ADGRB3: variants seen among roughly 807,000 people sequenced by gnomAD.
ADGRB3 encodes the protein brain-specific angiogenesis inhibitor 3.
A neutral mutation model predicts 193.4 loss-of-function variants in ADGRB3; 37 were observed. The ratio of observed to expected loss-of-function variants is 0.19; its 90% CI spans 0.15 to 0.25. The LOEUF is 0.25. Ranked by LOEUF, ADGRB3 falls within the 10% of genes least tolerant of loss-of-function variation. ADGRB3 has a pLI of 1.00. For synonymous variants in ADGRB3, 690 were observed against 644.2 expected, an observed-to-expected ratio of 1.07 and a Z score of -1.08; for missense variants, 1,637 against 1,852.9, an observed-to-expected ratio of 0.88 and a Z score of 2.14.
chr6:69,133,873 T>C (rs776789165), intron 17 of ADGRB3, among the ~76,000 whole-genome samples: 5 of 152,180 alleles, frequency 3.3e-5, no homozygotes, highest in Non-Finnish European at 4.4e-5. Context: ...AAGTCCACCA[T>C]ATCATTCTTA....
intron 17 of ADGRB3, among the ~76,000 whole-genome samples, chr6:69,181,277 A>G (rs1582524403): frequency 6.6e-6 from 1 of 151,852 alleles, no homozygotes; most frequent in East Asian, 1.9e-4. Context: ...CATGCCTCTA[A>G]TCACTATCTT....
chr6:68,810,554 G>C (rs1010246343), intron 3 of ADGRB3, among the ~76,000 whole-genome samples: 1 of 152,202 alleles, frequency 6.6e-6, no homozygotes, highest in Admixed American at 6.5e-5. Context: ...ATCAGAGGAA[G>C]TCAACGGATC....
intron 17 of ADGRB3, among the ~76,000 whole-genome samples, chr6:69,180,246 T>A (rs1333024598): frequency 6.6e-6 from 1 of 151,922 alleles, no homozygotes; most frequent in East Asian, 1.9e-4. Flanking sequence ...TCCCTGCACA[T>A]GAATGGTGGG....
intron 20 of ADGRB3, among the ~76,000 whole-genome samples, chr6:69,247,044 C>T (rs1766513720): frequency 6.6e-6 from 1 of 152,140 alleles, no homozygotes. Context: ...TAGACTTGGC[C>T]TTCATGATTT....
chr6:69,322,180 A>G (rs1768470090), intron 20 of ADGRB3, among the ~76,000 whole-genome samples: 1 of 151,934 alleles, frequency 6.6e-6, no homozygotes, highest in Non-Finnish European at 1.5e-5. Flanking sequence ...AAAGGATATG[A>G]TCTCATTCTT....
Position 68,974,157 on chromosome 6 carries a change from C to G in ADGRB3, c.1526-606C>G, listed in dbSNP as rs567479448. Among the ~76,000 whole-genome samples the G allele has an allele frequency of 8.4e-4, 127 of 152,022 alleles. 2 individuals are homozygous for G. Among genetic ancestry groups the G allele is most frequent in the Middle Eastern group, 6.9e-3 (2 of 290 alleles). On this transcript the variant is annotated intron_variant, in intron 8 of 31. Transcript: ENST00000370598. ...GGAAGTCACTTTTTTGTATAACATCCTAAAATATTATAAATATTTTTATTG... is the reference window on the plus strand; with the variant it reads ...GGAAGTCACTTTTTTGTATAACATCGTAAAATATTATAAATATTTTTATTG...
At chr6:69,137,077 AATG>A (rs1236888754) in intron 17 of ADGRB3, among the ~76,000 whole-genome samples, 1 of 23,086 alleles carries the variant, frequency 4.3e-5, no homozygotes, top group East Asian at 8.4e-4. Flanking sequence ...TTTTTTTTTT[AATG>A]GTAAGATCTT....
At chr6:69,120,787 T>TAAAACA (rs1773657917) in intron 17 of ADGRB3, among the ~76,000 whole-genome samples, 2 of 152,174 alleles carry the variant, frequency 1.3e-5, no homozygotes, top group Admixed American at 1.3e-4. Flanking sequence ...TATTGAAGTT[T>TAAAACA]TCCTCGAGCT....
intron 17 of ADGRB3, among the ~76,000 whole-genome samples, chr6:69,171,346 A>T (rs2150347965): frequency 6.6e-6 from 1 of 152,302 alleles, no homozygotes; most frequent in East Asian, 1.9e-4. Context: ...CTCTCTTTTC[A>T]CTCAACATGT....
In ADGRB3 at chr6:69,354,591, G is replaced by C. The variant is rs367963473; in HGVS notation, c.3555+263G>C. On this transcript the variant is annotated intron_variant, in intron 27 of 31. Coordinates refer to ENST00000370598, the MANE Select transcript of ADGRB3 (RefSeq NM_001704.3). ...GTATGTTCCTCCTTGCGTAGAATTA[G>C]GGCTAATGATTTATGCATAGGATCA... is the stretch of plus-strand genomic sequence containing the variant. Among the ~76,000 whole-genome samples, 4 of 152,110 alleles carry C rather than the reference G, an allele frequency of 2.6e-5. No homozygotes were observed. The East Asian group carries it at 7.7e-4, about 29-fold the overall frequency.
At chr6:69,031,100 T>A (rs868857357) in intron 13 of ADGRB3, among the ~76,000 whole-genome samples, 3 of 83,398 alleles carry the variant, frequency 3.6e-5, no homozygotes, top group African/African-American at 1.3e-4. Flanking sequence ...TCTTCTCTTC[T>A]CTTCTCTTCT....
In ADGRB3 at chr6:69,233,352, A is replaced by G. The variant is rs370387606; in HGVS notation, c.2543A>G (p.His848Arg). 39 of 1,613,990 alleles carry G rather than the reference A, an allele frequency of 2.4e-5. No homozygotes were observed. The highest frequency in any genetic ancestry group is 3.2e-5 in the Non-Finnish European group (38 of 1,179,996). Residue 848 changes from histidine (H) to arginine (R), a missense_variant, in exon 18 of 32, where the codon CAT (histidine) becomes CGT (arginine). This residue lies in a region of ADGRB3 where 641 missense variants were observed against 673.9 expected (regional missense o/e 0.95). Coordinates refer to ENST00000370598, the MANE Select transcript of ADGRB3 (RefSeq NM_001704.3). Reference sequence around the variant, plus strand: ...AAAACTGTGCTTACCGATGCATCCCATACGAAATGCTTATGTGATCGTCTC... The same window carrying G: ...AAAACTGTGCTTACCGATGCATCCCGTACGAAATGCTTATGTGATCGTCTC... ...GCKTVLTDASHTKCLCDRLST... is the reference protein window; with the variant it reads ...GCKTVLTDASRTKCLCDRLST...
chr6:69,030,731 C>T (rs1039131030), intron 13 of ADGRB3, among the ~76,000 whole-genome samples: 2 of 152,110 alleles, frequency 1.3e-5, no homozygotes, highest in Non-Finnish European at 2.9e-5. Flanking sequence ...CAAACCTGCA[C>T]GTCCTGCACA....
chr6:69,343,517 A>G (rs1769024049), intron 26 of ADGRB3, among the ~76,000 whole-genome samples: 1 of 152,094 alleles, frequency 6.6e-6, no homozygotes, highest in Non-Finnish European at 1.5e-5. Flanking sequence ...AAAGGGAGAA[A>G]TGATTTACTC....
intron 3 of ADGRB3, among the ~76,000 whole-genome samples, chr6:68,810,461 G>T (rs535703574): frequency 6.6e-6 from 1 of 152,256 alleles, no homozygotes; most frequent in African/African-American, 2.4e-5. Context: ...TTGAGGCTGA[G>T]CGAACAGATG....
At chr6:68,707,580 A>G (rs1765346545) in intron 3 of ADGRB3, among the ~76,000 whole-genome samples, 1 of 152,198 alleles carries the variant, frequency 6.6e-6, no homozygotes, top group Non-Finnish European at 1.5e-5. Flanking sequence ...AAAGATTAAA[A>G]TACAGTTTTC....
chr6:68,891,980 A>T (rs1433315852), intron 3 of ADGRB3, among the ~76,000 whole-genome samples: 1 of 152,186 alleles, frequency 6.6e-6, no homozygotes, highest in African/African-American at 2.4e-5. Flanking sequence ...ACTGATGAAA[A>T]TGTTCTGTCC....
At chr6:68,869,938 C>T (rs909106026) in intron 3 of ADGRB3, among the ~76,000 whole-genome samples, 3 of 152,102 alleles carry the variant, frequency 2.0e-5, no homozygotes, top group African/African-American at 7.2e-5. Flanking sequence ...GCCACCATGC[C>T]TGGCTAATTT....
intron 3 of ADGRB3, among the ~76,000 whole-genome samples, chr6:68,852,095 TTC>T (rs1212182122): frequency 6.6e-6 from 1 of 151,908 alleles, no homozygotes; most frequent in African/African-American, 2.4e-5. Context: ...GTTACTATGC[TTC>T]CTCCCAAATA....
Sources: allele counts gnomAD v4.1 joint callset (sites outside exome capture counted in the v4.1 genomes callset), GRCh38; gene constraint gnomAD v4.1.1; regional missense constraint gnomAD v4.1.1; transcripts MANE v1.5; gene names NCBI Gene and HGNC (gene_info 2026-07-23, HGNC 2026-07-21).